Variants in ITSN1 observed in about 807,000 individuals in gnomAD.
ITSN1 encodes intersectin 1, also known as intersectin-1.
Under a neutral mutation model 239.8 loss-of-function variants are expected in ITSN1, and 58 were observed. That is an observed-to-expected ratio of 0.24 (90% CI 0.20 to 0.30). The LOEUF is 0.30. ITSN1 is among the 10% of genes least tolerant of loss of function. ITSN1 has a pLI of 1.00. For missense variants in ITSN1, 1,558 were observed against 2,103.3 expected (o/e 0.74, Z 5.07); for synonymous variants, 780 against 770.8 (o/e 1.01, Z -0.20).
In ITSN1 at chr21:33,844,732, G is replaced by C. The variant is rs905027373; in HGVS notation, c.3661+8100G>C. Among the ~76,000 whole-genome samples the C allele has an allele frequency of 6.6e-5, 10 of 152,264 alleles. No individual in the cohort carries two copies. The South Asian group carries it at 1.9e-3, about 28-fold the overall frequency. ...AGCGAGCCTGCAGTCCGCCCCAGCA[G>C]AGGGGACCAGGCCAGGGATGCCTCT... is the stretch of plus-strand genomic sequence containing the variant. On this transcript the variant is annotated intron_variant, in intron 29 of 39. Coordinates refer to ENST00000381318, the MANE Select transcript of ITSN1 (RefSeq NM_003024.3).
At chr21:33,728,845 A>C (rs1176393714) in intron 4 of ITSN1, among the ~76,000 whole-genome samples, 1 of 152,100 alleles carries the variant, frequency 6.6e-6, no homozygotes, top group Non-Finnish European at 1.5e-5. Flanking sequence ...TTTTTCATAG[A>C]TATAACCCCA....
chr21:33,651,176 C>A (rs570586705), intron 1 of ITSN1, among the ~76,000 whole-genome samples: 1 of 152,324 alleles, frequency 6.6e-6, no homozygotes, highest in East Asian at 1.9e-4. Context: ...TGGTACAGAG[C>A]AAGTGCTGGG....
intron 27 of ITSN1, among the ~76,000 whole-genome samples, chr21:33,830,923 G>A (rs1289061615): frequency 1.3e-5 from 2 of 151,954 alleles, no homozygotes; most frequent in East Asian, 1.9e-4. Flanking sequence ...GGGAGAACGC[G>A]CACAAATGAG....
At chr21:33,829,402 C>G (rs904349921) in intron 26 of ITSN1, 34 of 553,146 alleles carry the variant, frequency 6.1e-5, no homozygotes, top group African/African-American at 5.8e-4. Flanking sequence ...GAGTCTGCAG[C>G]CCACTGAGGG....
chr21:33,698,508 G>A (rs1370739912), intron 1 of ITSN1, among the ~76,000 whole-genome samples: 1 of 152,172 alleles, frequency 6.6e-6, no homozygotes, highest in Non-Finnish European at 1.5e-5. Context: ...TATCCTTTAT[G>A]CAGTTTTAAA....
intron 31 of ITSN1, among the ~76,000 whole-genome samples, chr21:33,862,749 C>T (rs13051355): frequency 0.061 from 9,263 of 152,214 alleles, 350 homozygotes; most frequent in Non-Finnish European, 0.091. Flanking sequence ...ACCTCTGTCA[C>T]CTATTAGCTC....
chr21:33,746,603 G>A (rs1311466415), intron 5 of ITSN1, among the ~76,000 whole-genome samples: 1 of 152,216 alleles, frequency 6.6e-6, no homozygotes. Flanking sequence ...CACTTTGGGA[G>A]GCCGAGGCCT....
At chr21:33,681,763 C>T (rs952810429) in intron 1 of ITSN1, among the ~76,000 whole-genome samples, 1 of 151,648 alleles carries the variant, frequency 6.6e-6, no homozygotes, top group African/African-American at 2.4e-5. Context: ...CTCCGCCTCC[C>T]GGGTTCACGT....
Position 33,893,358 on chromosome 21 carries a change from G to A in ITSN1, c.*5058G>A, listed in dbSNP as rs1344323558. 1 of 152,218 alleles carries A rather than the reference G, an allele frequency of 6.6e-6. No homozygotes were observed. Among genetic ancestry groups the A allele is most frequent in the Non-Finnish European group, 1.5e-5 (1 of 68,054 alleles). 9.4% of individuals were successfully genotyped at this position (152,218 alleles called of 1,614,324 possible). ...TAATCCCAACACTTTGAGGGGCTGA[G>A]GCAGGTGGATCACCTGAGGTCAGGA... On this transcript the variant is annotated 3_prime_UTR_variant, in exon 40 of 40. Coordinates refer to ENST00000381318, the MANE Select transcript of ITSN1 (RefSeq NM_003024.3).
intron 1 of ITSN1, among the ~76,000 whole-genome samples, chr21:33,707,934 T>G (rs1050288279): frequency 6.6e-6 from 1 of 152,138 alleles, no homozygotes; most frequent in African/African-American, 2.4e-5. Context: ...CTAGGTGGAG[T>G]GGTAGCTGTG....
chr21:33,740,778 C>T (rs2066798176), intron 5 of ITSN1, among the ~76,000 whole-genome samples: 1 of 152,126 alleles, frequency 6.6e-6, no homozygotes, highest in Non-Finnish European at 1.5e-5. Flanking sequence ...ATTTAAAGCA[C>T]AGTAGGCCAG....
At chr21:33,761,034 TTC>T (rs977399472) in intron 8 of ITSN1, among the ~76,000 whole-genome samples, 4 of 151,522 alleles carry the variant, frequency 2.6e-5, no homozygotes, top group African/African-American at 9.7e-5. Flanking sequence ...CCAGGAATTC[TTC>T]TTTTTTTTTT....
intron 1 of ITSN1, among the ~76,000 whole-genome samples, chr21:33,692,594 A>G (rs2091597824): frequency 1.3e-5 from 2 of 152,152 alleles, no homozygotes; most frequent in African/African-American, 4.8e-5. Context: ...ATTTATATGC[A>G]TTTCTAGTTT....
intron 28 of ITSN1, among the ~76,000 whole-genome samples, chr21:33,836,014 C>T (rs73199896): frequency 0.064 from 9,767 of 152,222 alleles, 422 homozygotes; most frequent in Non-Finnish European, 0.078. Flanking sequence ...TGATGATTAC[C>T]TTCCACTTTA....
chr21:33,752,296 GAGTTAT>G, intron 7 of ITSN1, among the ~76,000 whole-genome samples: 1 of 152,102 alleles, frequency 6.6e-6, no homozygotes, highest in Non-Finnish European at 1.5e-5. Flanking sequence ...ATGAAGATTG[GAGTTAT>G]AGTTGGCCTT....
At chr21:33,814,218 G>A in intron 22 of ITSN1, 146 bp downstream of exon 22, 1 of 693,654 alleles carries the variant, frequency 1.4e-6, no homozygotes, top group Non-Finnish European at 2.3e-6. Context: ...CAGTGCAGGA[G>A]CCAGAAATCT....
At chr21:33,757,220 T>C (rs1294067711) in intron 8 of ITSN1, 3 of 152,214 alleles carry the variant, frequency 2.0e-5, no homozygotes, top group African/African-American at 7.2e-5. Flanking sequence ...TAAAATAGTA[T>C]TCAATTGAGA....
intron 33 of ITSN1, among the ~76,000 whole-genome samples, chr21:33,867,964 G>A (rs867938390): frequency 3.9e-5 from 6 of 152,276 alleles, no homozygotes; most frequent in Admixed American, 6.5e-5. Context: ...AGACTTTCGC[G>A]GTGTTACAGC....
intron 36 of ITSN1, 75 bp from the exon 37 acceptor site, chr21:33,884,966 C>A: frequency 2.9e-6 from 3 of 1,024,238 alleles, no homozygotes; most frequent in Non-Finnish European, 4.6e-6. Context: ...AGAGTCCTGG[C>A]AACAGTGTTT....
Sources: gnomAD v4.1 joint callset for allele counts (sites outside exome capture counted in the v4.1 genomes callset) on GRCh38, gnomAD v4.1.1 for gene constraint, MANE v1.5 for transcripts, NCBI Gene and HGNC (gene_info 2026-07-23, HGNC 2026-07-21) for gene names.